GABRA1: variants seen among roughly 807,000 people sequenced by gnomAD.
The protein encoded by GABRA1 is gamma-aminobutyric acid receptor subunit alpha-1.
Under a neutral mutation model 48.9 loss-of-function variants are expected in GABRA1, and 9 were observed. That is an observed-to-expected ratio of 0.18 (90% CI 0.11 to 0.32). The LOEUF is 0.32. Ranked by LOEUF, GABRA1 falls within the 10% of genes least tolerant of loss-of-function variation. The pLI is 1.00. For missense variants in GABRA1, 285 were observed against 553.8 expected (o/e 0.51, Z 4.87); for synonymous variants, 210 against 198.7 (o/e 1.06, Z -0.48).
chr5:161,884,591 G>T (rs148402115), intron 7 of GABRA1, among the ~76,000 whole-genome samples: 3,334 of 152,148 alleles, frequency 0.022, 71 homozygotes, highest in Middle Eastern at 0.048. Flanking sequence ...TTTTCATTTT[G>T]TTAGTCTGAA....
chr5:161,895,028 G>GTA (rs35679403), intron 8 of GABRA1, among the ~76,000 whole-genome samples: 1,850 of 150,600 alleles, frequency 0.012, 37 homozygotes, highest in African/African-American at 0.035. Context: ...ATATATATGT[G>GTA]TATATATATA....
At position 161,850,889 on chromosome 5, in the gene GABRA1, G is replaced by A. The variant is rs960534711; in HGVS notation, c.74+5G>A. 5 of 1,611,616 alleles carry A rather than the reference G, an allele frequency of 3.1e-6. No individual in the cohort carries two copies. The highest frequency in any genetic ancestry group is 3.4e-6 in the Non-Finnish European group (4 of 1,177,852). Reference sequence around the variant, plus strand: ...GAGCACACTGACTGGAAGAAGGTGGGGACACTTTTTTAAAAATCTGCATGA... The same window carrying A: ...GAGCACACTGACTGGAAGAAGGTGGAGACACTTTTTTAAAAATCTGCATGA... On this transcript the variant is annotated splice_donor_5th_base_variant and intron_variant, in intron 2 of 9. Transcript: ENST00000393943.
chr5:161,849,234 G>T (rs962399589), intron 1 of GABRA1, among the ~76,000 whole-genome samples: 29 of 152,100 alleles, frequency 1.9e-4, no homozygotes, highest in Non-Finnish European at 4.0e-4. Flanking sequence ...TTGTCAAATG[G>T]TTTTGCTGTG....
At chr5:161,854,629 T>G (rs2113308956) in intron 3 of GABRA1, among the ~76,000 whole-genome samples, 1 of 151,818 alleles carries the variant, frequency 6.6e-6, no homozygotes, top group South Asian at 2.1e-4. Context: ...TTGCATTTAA[T>G]TCCAACAGGA....
chr5:161,894,713 A>G (rs1233920744), intron 8 of GABRA1, among the ~76,000 whole-genome samples: 3 of 144,758 alleles, frequency 2.1e-5, no homozygotes, highest in Non-Finnish European at 4.5e-5. Flanking sequence ...ATACTTTTGT[A>G]CTGAGTATAG....
At chr5:161,859,183 C>A (rs955657453) in intron 3 of GABRA1, among the ~76,000 whole-genome samples, 1 of 151,680 alleles carries the variant, frequency 6.6e-6, no homozygotes, top group Non-Finnish European at 1.5e-5. Context: ...GTAACTGGAG[C>A]TGTCTCTGAA....
At chr5:161,872,879 A>T (rs1156631520) in intron 4 of GABRA1, among the ~76,000 whole-genome samples, 1 of 151,994 alleles carries the variant, frequency 6.6e-6, no homozygotes, top group African/African-American at 2.4e-5. Flanking sequence ...AATTGGAAAA[A>T]TTTTTCTGAC....
At chr5:161,893,548 A>T (rs991055875) in intron 8 of GABRA1, among the ~76,000 whole-genome samples, 1 of 152,216 alleles carries the variant, frequency 6.6e-6, no homozygotes, top group African/African-American at 2.4e-5. Context: ...TGTACTTTAT[A>T]ACCATTTATT....
intron 6 of GABRA1, among the ~76,000 whole-genome samples, chr5:161,878,188 G>A (rs1460416155): frequency 6.6e-6 from 1 of 152,142 alleles, no homozygotes; most frequent in Non-Finnish European, 1.5e-5. Context: ...CCCCTTCACT[G>A]TTTAAGCTTC....
At chr5:161,867,931 G>A (rs939700185) in intron 4 of GABRA1, among the ~76,000 whole-genome samples, 3 of 151,380 alleles carry the variant, frequency 2.0e-5, no homozygotes. Flanking sequence ...TTAAATTGTT[G>A]CCAAACCTGT....
In GABRA1 at chr5:161,899,894, T is replaced by C. The variant is rs1360342102; in HGVS notation, c.*2472T>C. The C allele has an allele frequency of 6.6e-6, 1 of 152,218 alleles. No individual in the cohort carries two copies. 9.4% of individuals were successfully genotyped at this position (152,218 alleles called of 1,614,324 possible). On this transcript the variant is annotated 3_prime_UTR_variant, in exon 10 of 10. Coordinates refer to ENST00000393943, the MANE Select transcript of GABRA1 (RefSeq NM_001127644.2). ...GCTTTACAGAGTTTAGCAAAAGCTC[T>C]TAATTTTATGTCATACTGTATTCTA...
chr5:161,863,357 A>G (rs533779142), intron 3 of GABRA1, among the ~76,000 whole-genome samples: 2 of 152,090 alleles, frequency 1.3e-5, no homozygotes, highest in Non-Finnish European at 2.9e-5. Context: ...TACAAGCATG[A>G]CACTGGCATC....
chr5:161,877,740 T>C (rs542934469), intron 6 of GABRA1, among the ~76,000 whole-genome samples: 1 of 152,298 alleles, frequency 6.6e-6, no homozygotes, highest in South Asian at 2.1e-4. Context: ...GGTAAATGTA[T>C]AGTGAGTAGA....
intron 6 of GABRA1, among the ~76,000 whole-genome samples, chr5:161,879,612 C>T (rs11952776): frequency 0.17 from 26,585 of 151,984 alleles, 3,061 homozygotes; most frequent in African/African-American, 0.32. Context: ...ATCATCTTTG[C>T]TAAGGCCTTA....
chr5:161,860,489 G>A (rs1354901163), intron 3 of GABRA1, among the ~76,000 whole-genome samples: 1 of 151,484 alleles, frequency 6.6e-6, no homozygotes, highest in Non-Finnish European at 1.5e-5. Flanking sequence ...GTAGGGTAAT[G>A]GGGGGAGGGA....
rs542472364 is a variant in GABRA1 at position 161,877,091 on chromosome 5, C to T, written c.559+1449C>T. Among the ~76,000 whole-genome samples the T allele has an allele frequency of 4.6e-4, 70 of 152,174 alleles. 1 individual carries two copies. The highest frequency in any genetic ancestry group is 6.8e-3 in the Middle Eastern group (2 of 294). On this transcript the variant is annotated intron_variant, in intron 6 of 9. Coordinates refer to ENST00000393943, the MANE Select transcript of GABRA1 (RefSeq NM_001127644.2). Reference sequence around the variant, plus strand: ...CCAGGACTACATACATGTGCCACCACGCCTGGCTGATTTGTAACTTTTTTG... The same window carrying T: ...CCAGGACTACATACATGTGCCACCATGCCTGGCTGATTTGTAACTTTTTTG...
At chr5:161,854,011 C>A in intron 2 of GABRA1, 147 bp from the exon 3 acceptor site, 3 of 507,580 alleles carry the variant, frequency 5.9e-6, no homozygotes, top group Non-Finnish European at 3.5e-6. Flanking sequence ...TTAAAAATAA[C>A]ATTCCTTTTT....
At chr5:161,893,502 G>A (rs1405749634) in intron 8 of GABRA1, among the ~76,000 whole-genome samples, 7 of 151,708 alleles carry the variant, frequency 4.6e-5, no homozygotes, top group African/African-American at 1.7e-4. Context: ...GATTCAAAAA[G>A]AAAAAAACAA....
At chr5:161,868,629 C>T (rs1040297232) in intron 4 of GABRA1, among the ~76,000 whole-genome samples, 1 of 152,080 alleles carries the variant, frequency 6.6e-6, no homozygotes, top group Non-Finnish European at 1.5e-5. Context: ...TGCTTAATGG[C>T]CATTCTATCT....
Sources: allele counts gnomAD v4.1 joint callset (sites outside exome capture counted in the v4.1 genomes callset), GRCh38; gene constraint gnomAD v4.1.1; transcripts MANE v1.5; gene names NCBI Gene and HGNC (gene_info 2026-07-23, HGNC 2026-07-21).